The following SLC7A11 variants were observed in gnomAD, a reference collection of about 807,000 sequenced individuals.
SLC7A11 encodes cystine/glutamate transporter.
SLC7A11 carries 35 observed loss-of-function variants against 54.5 expected under a neutral mutation model. That is an observed-to-expected ratio of 0.64 (90% CI 0.49 to 0.85). SLC7A11 has a LOEUF of 0.85. Among genes scored for constraint, SLC7A11 ranks in the 40% least tolerant of loss-of-function variants. The probability of loss-of-function intolerance (pLI) is 0.00; values close to 1 mark genes in which losing one functional copy is unlikely to be tolerated. For synonymous variants in SLC7A11, 230 were observed against 225.2 expected (o/e 1.02, Z -0.19); for missense variants, 583 against 618.1 (o/e 0.94, Z 0.60).
intron 11 of SLC7A11, among the ~76,000 whole-genome samples, chr4:138,175,007 A>T (rs918313866): frequency 6.6e-6 from 1 of 152,114 alleles, no homozygotes; most frequent in East Asian, 1.9e-4. Context: ...GAATAATAGT[A>T]TTTTTTTAAG....
chr4:138,237,153 T>C (rs562513891), intron 1 of SLC7A11, among the ~76,000 whole-genome samples: 3 of 150,626 alleles, frequency 2.0e-5, no homozygotes, highest in African/African-American at 7.3e-5. Context: ...GCCTGGCTAA[T>C]TTTTTTTGTA....
chr4:138,182,336 A>G lies in SLC7A11; in HGVS notation c.1077T>C (p.His359=). 6.2e-7 allele frequency: 1 copy of G among 1,612,160 alleles called. No homozygotes were observed. The highest frequency in any genetic ancestry group is 8.5e-7 in the Non-Finnish European group (1 of 1,178,582). ...CTGGTAGAGGAGTGTGCTTGCGGAC[A>G]TGAATCATGGAGAGGATTTCTGGAA... The part of the protein sequence containing the change: ...GHLPEILSMI[H]VRKHTPLPAV... The change falls in exon 9 of 12, where the codon CAT becomes CAC. Residue 359 remains histidine, a synonymous_variant. Transcript: ENST00000280612.
rs1186094644 is a variant in SLC7A11 at position 138,168,484 on chromosome 4, A to AAGAT, written c.*3468_*3471dup. 26 of 152,326 alleles carry AAGAT rather than the reference A, an allele frequency of 1.7e-4. No homozygotes were observed. In the East Asian group the frequency reaches 4.6e-3, roughly 27 times the overall value. 9.4% of individuals were successfully genotyped at this position (152,326 alleles called of 1,614,324 possible). The stretch of plus-strand genomic sequence containing the variant: ...TTAGCAGTATATTCATCTGCAAATC[A>AAGAT]AGATAAAATAATGATTTTCCTGTAG... On this transcript the variant is annotated 3_prime_UTR_variant, in exon 12 of 12. Coordinates refer to ENST00000280612, the MANE Select transcript of SLC7A11 (RefSeq NM_014331.4).
At chr4:138,182,069 A>G (rs1178228477) in intron 9 of SLC7A11, among the ~76,000 whole-genome samples, 1 of 152,072 alleles carries the variant, frequency 6.6e-6, no homozygotes, top group African/African-American at 2.4e-5. Context: ...TTCTGCAAAG[A>G]TGAAAGTGAG....
chr4:138,232,471 T>C (rs1163461011), intron 2 of SLC7A11, 89 bp from the exon 3 acceptor site: 2 of 693,392 alleles, frequency 2.9e-6, no homozygotes, highest in East Asian at 2.7e-5. Context: ...ATTTAGCATA[T>C]GGAACATGTT....
chr4:138,177,338 C>T (rs550932282), intron 11 of SLC7A11: 2 of 152,100 alleles, frequency 1.3e-5, no homozygotes, highest in African/African-American at 4.8e-5. Flanking sequence ...AGTATGAAAG[C>T]TATGTTCTAA....
rs1176136985 is a variant in SLC7A11, at chr4:138,170,250, GTATATATATATA to G, written c.*1694_*1705del. ...ATATAAAAAGTGTGTGTGTGTGTGT[GTATATATATATA>G]TATATATATACACACACACACACAC... On this transcript the variant is annotated 3_prime_UTR_variant, in exon 12 of 12. Coordinates refer to ENST00000280612, the MANE Select transcript of SLC7A11 (RefSeq NM_014331.4). 1.3e-5 allele frequency: 1 copy of G among 74,108 alleles called. No individual in the cohort carries two copies. Among genetic ancestry groups the G allele is most frequent in the African/African-American group, 4.7e-5 (1 of 21,400 alleles). The allele number at this position is 74,108 out of a possible 1,614,324, so 4.6% of individuals were successfully genotyped here. A position where few individuals can be genotyped will look rare whatever the true frequency, so the allele number is the denominator to read the frequency against.
intron 6 of SLC7A11, among the ~76,000 whole-genome samples, chr4:138,213,543 CTA>C (rs1429814067): frequency 8.3e-5 from 12 of 144,952 alleles, no homozygotes; most frequent in African/African-American, 1.7e-4. Flanking sequence ...CTCTCTCTCT[CTA>C]TCTCTCTCTC....
At chr4:138,182,553 T>C (rs772953907) in intron 8 of SLC7A11, among the ~76,000 whole-genome samples, 160 bp from the exon 9 acceptor site, 1 of 152,112 alleles carries the variant, frequency 6.6e-6, no homozygotes, top group African/African-American at 2.4e-5. Flanking sequence ...TGGAGAAATA[T>C]CATAGGAAAT....
intron 6 of SLC7A11, among the ~76,000 whole-genome samples, chr4:138,187,564 T>A (rs910655696): frequency 3.3e-5 from 5 of 152,202 alleles, no homozygotes; most frequent in African/African-American, 9.6e-5. Flanking sequence ...GTATTCACTT[T>A]CAAGCATGTG....
At position 138,183,213 on chromosome 4, in the gene SLC7A11, A is replaced by C. The variant is rs1736789415; in HGVS notation, c.1008T>G (p.Phe336Leu). ...ATGAACTCACTCACCTGGAGACAGC[A>C]AACACACCACCGTTCATGGAGCCAA... is the stretch of plus-strand genomic sequence containing the variant. ...SCFGSMNGGV[F>L]AVSRLFYVAS... Residue 336 changes from phenylalanine to leucine, a missense_variant, in exon 8 of 12, where the codon TTT becomes TTG. Transcript: ENST00000280612. 1.9e-6 allele frequency: 3 copies of C among 1,610,428 alleles called. No individual in the cohort carries two copies. Among genetic ancestry groups the C allele is most frequent in the Admixed American group, 1.7e-5 (1 of 59,776 alleles).
chr4:138,206,481 G>A (rs1205384680), intron 6 of SLC7A11, among the ~76,000 whole-genome samples: 2 of 150,804 alleles, frequency 1.3e-5, no homozygotes, highest in Non-Finnish European at 3.0e-5. Flanking sequence ...CAACTATTAT[G>A]AAAGAAAGTA....
rs1736263806 is a variant in SLC7A11, at chr4:138,166,508, C to A, written c.*5448G>T. ...AGGACTTAGCAAGCAGTTCTCCTAA[C>A]CAATACATTAATTCACTTGAAAGTC... is the stretch of plus-strand genomic sequence containing the variant. On this transcript the variant is annotated 3_prime_UTR_variant, in exon 12 of 12. Transcript: ENST00000280612. 1 of 152,504 alleles carries A rather than the reference C, an allele frequency of 6.6e-6. No homozygotes were observed. Among genetic ancestry groups the A allele is most frequent in the Non-Finnish European group, 1.5e-5 (1 of 68,028 alleles). The allele number at this position is 152,504 out of a possible 1,614,324, so 9.4% of individuals were successfully genotyped here. A position where few individuals can be genotyped will look rare whatever the true frequency, so the allele number is the denominator to read the frequency against.
chr4:138,213,086 A>G (rs900947607), intron 6 of SLC7A11, among the ~76,000 whole-genome samples: 1 of 151,992 alleles, frequency 6.6e-6, no homozygotes, highest in African/African-American at 2.4e-5. Context: ...AGGCCAACCT[A>G]TTTATCTCTG....
rs1736196501 is a variant in SLC7A11, at chr4:138,164,299, T to G, written c.*7657A>C. The G allele has an allele frequency of 6.6e-6, 1 of 152,094 alleles. No homozygotes were observed. The allele number at this position is 152,094 out of a possible 1,614,324, so 9.4% of individuals were successfully genotyped here. A position where few individuals can be genotyped will look rare whatever the true frequency, so the allele number is the denominator to read the frequency against. On this transcript the variant is annotated 3_prime_UTR_variant, in exon 12 of 12. Transcript: ENST00000280612. ...TTTATTCCATACAAAAGCACATGCA[T>G]CAAGAGTTTCCATAAGATGAAAACA...
rs1736663401 is a variant in SLC7A11 at position 138,179,385 on chromosome 4, A to G, written c.1276T>C (p.Phe426Leu). ...DMHRPFKVPL[F>L]IPALFSFTCL... ...GTGAAGGAAAACAAAGCTGGGATGAACAGTGGCACCTGGAACACAGAACAC... is the reference window on the plus strand; with the variant it reads ...GTGAAGGAAAACAAAGCTGGGATGAGCAGTGGCACCTGGAACACAGAACAC... The change falls in exon 11 of 12, where the codon TTC becomes CTC. Residue 426 changes from phenylalanine to leucine, a missense_variant. By Grantham distance (22) the Phe-to-Leu change is conservative. Transcript: ENST00000280612. The G allele has an allele frequency of 1.9e-6, 3 of 1,611,790 alleles. No individual in the cohort carries two copies. The highest frequency in any genetic ancestry group is 2.5e-6 in the Non-Finnish European group (3 of 1,178,886).
intron 7 of SLC7A11, among the ~76,000 whole-genome samples, chr4:138,184,449 A>C (rs1223839450): frequency 6.6e-6 from 1 of 152,112 alleles, no homozygotes; most frequent in African/African-American, 2.4e-5. Flanking sequence ...ACAGAATAAC[A>C]GTCTTATAAC....
chr4:138,199,936 G>A (rs1380004126), intron 6 of SLC7A11, among the ~76,000 whole-genome samples: 3 of 152,068 alleles, frequency 2.0e-5, no homozygotes, highest in Non-Finnish European at 2.9e-5. Context: ...ACTGCACTGT[G>A]AGGAATAAAT....
At chr4:138,174,859 GA>G (rs1439986450) in intron 11 of SLC7A11, 2 of 152,086 alleles carry the variant, frequency 1.3e-5, no homozygotes, top group East Asian at 1.9e-4. Context: ...AGTTATTCTT[GA>G]AATAATTTGA....
Sources: allele counts gnomAD v4.1 joint callset (sites outside exome capture counted in the v4.1 genomes callset), GRCh38; gene constraint gnomAD v4.1.1; transcripts MANE v1.5; gene names NCBI Gene and HGNC (gene_info 2026-07-23, HGNC 2026-07-21).